The following DNAJC3 variants were observed in gnomAD, a reference collection of about 807,000 sequenced individuals.
The protein encoded by DNAJC3 is DnaJ heat shock protein family (Hsp40) member C3, also known as dnaJ homolog subfamily C member 3.
DNAJC3 carries 38 observed loss-of-function variants against 68.6 expected under a neutral mutation model. The observed-to-expected ratio is 0.55, with a 90% CI of 0.43 to 0.73. DNAJC3 has a LOEUF of 0.73. DNAJC3 is among the 30% of genes least tolerant of loss of function. The pLI, the probability that DNAJC3 is intolerant of heterozygous loss-of-function variation, is 0.00. For missense variants in DNAJC3, 526 were observed against 591.9 expected (o/e 0.89, Z 1.16); for synonymous variants, 203 against 204.0 (o/e 1.00, Z 0.04).
intron 2 of DNAJC3, 118 bp from the exon 3 acceptor site, chr13:95,723,122 CTT>C: frequency 1.1e-6 from 1 of 926,436 alleles, no homozygotes; most frequent in Admixed American, 3.0e-5. Context: ...TGATGAGATT[CTT>C]TTCTTAATGT....
At chr13:95,693,966 C>T (rs2139609030) in intron 1 of DNAJC3, 1 of 152,256 alleles carries the variant, frequency 6.6e-6, no homozygotes, top group East Asian at 1.9e-4. Context: ...TAACTCTACT[C>T]TTAATTATCT....
At chr13:95,781,490 TCAAAGTTG>T (rs1883452556) in intron 9 of DNAJC3, among the ~76,000 whole-genome samples, 1 of 152,172 alleles carries the variant, frequency 6.6e-6, no homozygotes, top group African/African-American at 2.4e-5. Context: ...CAGAAATTTA[TCAAAGTTG>T]CTGGTCTGCT....
In DNAJC3 at chr13:95,767,691, G is replaced by GTTTTGTTTTT. The variant is rs1555328430; in HGVS notation, c.1075+3742_1075+3743insGTTTTTTTTT. On this transcript the variant is annotated intron_variant, in intron 9 of 11. Transcript: ENST00000602402. ...CACATCCTCGTCAACAGTTTTTTGG[G>GTTTTGTTTTT]TTTTTTTTTTTTTTTTGAGACAGAG... Among the ~76,000 whole-genome samples the GTTTTGTTTTT allele has an allele frequency of 1.0e-3, 137 of 135,790 alleles. 1 individual carries two copies. The highest frequency in any genetic ancestry group is 3.6e-3 in the African/African-American group (133 of 36,558). The allele number at this position is 135,790 out of a possible 152,430, so 89.1% of individuals were successfully genotyped here. A position where few individuals can be genotyped will look rare whatever the true frequency, so the allele number is the denominator to read the frequency against.
rs182956260 is a variant in DNAJC3 at position 95,688,984 on chromosome 13, T to C, written c.82+11647T>C. Among the ~76,000 whole-genome samples the C allele has an allele frequency of 4.6e-3, 698 of 151,624 alleles. 5 individuals are homozygous for C. Among genetic ancestry groups the C allele is most frequent in the Non-Finnish European group, 7.2e-3 (492 of 67,920 alleles). ...TGTGTGTGCGCGCTGTTGGATTTAG[T>C]TTGCTAGTATTTTGTTGCATATGTT... On this transcript the variant is annotated intron_variant, in intron 1 of 11. Transcript: ENST00000602402.
intron 4 of DNAJC3, among the ~76,000 whole-genome samples, chr13:95,741,537 C>G (rs971933106): frequency 2.0e-5 from 3 of 152,132 alleles, no homozygotes; most frequent in African/African-American, 7.2e-5. Context: ...TGGACCAATT[C>G]TTGGGCTTCC....
At chr13:95,703,153 T>C (rs915096487) in intron 1 of DNAJC3, among the ~76,000 whole-genome samples, 1 of 152,222 alleles carries the variant, frequency 6.6e-6, no homozygotes, top group Non-Finnish European at 1.5e-5. Flanking sequence ...TCACAACTTA[T>C]GTCAACAGAT....
intron 1 of DNAJC3, among the ~76,000 whole-genome samples, chr13:95,697,115 T>C (rs1158672338): frequency 6.6e-6 from 1 of 152,184 alleles, no homozygotes; most frequent in African/African-American, 2.4e-5. Flanking sequence ...CTTTATAGGA[T>C]CTGTGAGCTT....
In DNAJC3 at chr13:95,760,180, C is replaced by T. The variant is rs1566503834; in HGVS notation, c.687C>T (p.Ser229=). ...NDNTEAFYKI[S]TLYYQLGDHE... ...ATACTGAAGCGTTTTATAAAATAAG[C>T]ACACTGTACTACCAACTAGGAGACC... The change falls in exon 6 of 12, where the codon AGC becomes AGT. Residue 229 remains serine (S), a synonymous_variant. Transcript: ENST00000602402. 2 of 1,611,044 alleles carry T rather than the reference C, an allele frequency of 1.2e-6. No individual in the cohort carries two copies. The highest frequency in any genetic ancestry group is 1.7e-6 in the Non-Finnish European group (2 of 1,178,364).
rs1322218704 is a variant in DNAJC3, at chr13:95,725,219, A to G, written c.360A>G (p.Lys120=). ...GTCACTTATTACTCAAACAAGGAAA[A>G]CTTGATGAAGCAGAAGATGATTTTA... is the stretch of plus-strand genomic sequence containing the variant. ...QRGHLLLKQG[K]LDEAEDDFKK... is the part of the protein sequence containing the mutation. The change falls in exon 4 of 12, where the codon AAA becomes AAG. Residue 120 remains lysine, a synonymous_variant. Transcript: ENST00000602402. The G allele has an allele frequency of 4.4e-6, 7 of 1,596,790 alleles. No individual in the cohort carries two copies. The highest frequency in any genetic ancestry group is 6.0e-6 in the Non-Finnish European group (7 of 1,173,824).
At chr13:95,768,778 C>G (rs1169174526) in intron 9 of DNAJC3, among the ~76,000 whole-genome samples, 1 of 152,078 alleles carries the variant, frequency 6.6e-6, no homozygotes, top group Non-Finnish European at 1.5e-5. Context: ...AGTTCGAGAC[C>G]AGCCTGGTCA....
intron 9 of DNAJC3, among the ~76,000 whole-genome samples, chr13:95,769,005 CTA>C (rs1400290373): frequency 4.9e-5 from 5 of 101,312 alleles, no homozygotes; most frequent in African/African-American, 2.9e-4. Flanking sequence ...ATATCTATAT[CTA>C]TATCTATATC....
At chr13:95,734,376 G>A (rs1315358203) in intron 4 of DNAJC3, among the ~76,000 whole-genome samples, 1 of 152,186 alleles carries the variant, frequency 6.6e-6, no homozygotes. Context: ...TTTCTGCTGA[G>A]AAATAATCCC....
intron 1 of DNAJC3, among the ~76,000 whole-genome samples, chr13:95,681,043 G>A (rs761141203): frequency 3.9e-5 from 6 of 152,196 alleles, no homozygotes; most frequent in African/African-American, 4.8e-5. Flanking sequence ...GTATATATAC[G>A]TAGCATAGAA....
intron 1 of DNAJC3, among the ~76,000 whole-genome samples, chr13:95,705,415 A>G (rs1880706260): frequency 6.6e-6 from 1 of 152,004 alleles, no homozygotes; most frequent in African/African-American, 2.4e-5. Flanking sequence ...CTCAATATTG[A>G]CTTCCTCCTG....
chr13:95,785,845 G>A lies in DNAJC3; in HGVS notation c.1076-94G>A, dbSNP rs953861900. On this transcript the variant is annotated intron_variant, in intron 9 of 11. Transcript: ENST00000602402. ...TAATGGCCAAAGAGTGAAGGGGTTG[G>A]GGGATGACGACTTTAGCATCAATTT... 5.0e-6 allele frequency: 6 copies of A among 1,206,562 alleles called. No individual in the cohort carries two copies. The African/African-American group carries it at 7.9e-5, about 16-fold the overall frequency. The allele number at this position is 1,206,562 out of a possible 1,614,324, so 74.7% of individuals were successfully genotyped here.
chr13:95,746,280 TG>T (rs1384190466), intron 4 of DNAJC3, among the ~76,000 whole-genome samples: 1 of 152,240 alleles, frequency 6.6e-6, no homozygotes, highest in Non-Finnish European at 1.5e-5. Flanking sequence ...TTTGCTTGAA[TG>T]TGGATAAAAT....
chr13:95,787,453 AAGAGGATC>A (rs1179593577), intron 11 of DNAJC3, among the ~76,000 whole-genome samples: 1 of 152,174 alleles, frequency 6.6e-6, no homozygotes, highest in Non-Finnish European at 1.5e-5. Flanking sequence ...CACTGAGCAT[AAGAGGATC>A]TCTCAGGTTC....
intron 1 of DNAJC3, among the ~76,000 whole-genome samples, chr13:95,696,816 G>A (rs1303111568): frequency 1.3e-5 from 2 of 151,972 alleles, no homozygotes; most frequent in Non-Finnish European, 2.9e-5. Context: ...CGTGATCTCG[G>A]CTCACTGCAA....
intron 1 of DNAJC3, among the ~76,000 whole-genome samples, chr13:95,708,642 T>C (rs1310238460): frequency 6.6e-6 from 1 of 152,184 alleles, no homozygotes; most frequent in African/African-American, 2.4e-5. Flanking sequence ...GCTTATTTGC[T>C]ACTCTAAGTC....
Sources: gnomAD v4.1 joint callset for allele counts (sites outside exome capture counted in the v4.1 genomes callset) on GRCh38, gnomAD v4.1.1 for gene constraint, MANE v1.5 for transcripts, NCBI Gene and HGNC (gene_info 2026-07-23, HGNC 2026-07-21) for gene names.